NUDT13: variants seen among roughly 807,000 people sequenced by gnomAD.
NUDT13 encodes the protein nudix hydrolase 13.
Under a neutral mutation model 41.7 loss-of-function variants are expected in NUDT13, and 40 were observed. That is an observed-to-expected ratio of 0.96 (90% CI 0.75 to 1.25). NUDT13 has a LOEUF of 1.25. Ranked by LOEUF, NUDT13 falls within the 50% of genes most tolerant of loss-of-function variation. The pLI is 0.00. For synonymous variants in NUDT13, 145 were observed against 155.5 expected, an observed-to-expected ratio of 0.93 and a Z score of 0.50; for missense variants, 390 against 416.1, an observed-to-expected ratio of 0.94 and a Z score of 0.55.
At chr10:73,114,679 T>G (rs4498900) in intron 2 of NUDT13, among the ~76,000 whole-genome samples, 1 of 151,506 alleles carries the variant, frequency 6.6e-6, no homozygotes, top group African/African-American at 2.4e-5. Context: ...CAGTCTTTTG[T>G]TATAATGTGG....
At position 73,120,138 on chromosome 10, in the gene NUDT13, C is replaced by T. The variant is rs965754755; in HGVS notation, c.204C>T (p.Ala68=). The T allele has an allele frequency of 6.2e-7, 1 of 1,614,140 alleles. No homozygotes were observed. The highest frequency in any genetic ancestry group is 8.5e-7 in the Non-Finnish European group (1 of 1,180,012). The change falls in exon 3 of 9, where the codon GCC becomes GCT. Residue 68 remains alanine, a synonymous_variant. Transcript: ENST00000357321. ...AGACTTCAGCACATCAATACCTGGC[C>T]CCCCGGCACAGCCTGTTAGGTAAGT... ...LLQTSAHQYL[A]PRHSLLELER... is the part of the protein sequence containing the mutation.
chr10:73,110,496 C>G lies in NUDT13; in HGVS notation c.-81C>G, dbSNP rs1420647253. On this transcript the variant is annotated 5_prime_UTR_variant, in exon 1 of 9. Transcript: ENST00000357321. ...CCTCCAGGGAACGGAAGCCGTTGAACGTGAACATTTGGAGTTTCCTCTTTT... is the reference window on the plus strand; with the variant it reads ...CCTCCAGGGAACGGAAGCCGTTGAAGGTGAACATTTGGAGTTTCCTCTTTT... 1.3e-5 allele frequency: 2 copies of G among 152,316 alleles called. No homozygotes were observed. The highest frequency in any genetic ancestry group is 2.9e-5 in the Non-Finnish European group (2 of 68,046). 9.4% of individuals were successfully genotyped at this position (152,316 alleles called of 1,614,324 possible).
At chr10:73,124,347 G>C in intron 5 of NUDT13, 27 bp downstream of exon 5, 1 of 1,503,412 alleles carries the variant, frequency 6.7e-7, no homozygotes, top group Non-Finnish European at 9.2e-7. Flanking sequence ...CATTCTGTAG[G>C]AAATTTAGTA....
chr10:73,112,371 A>G (rs1842386917), intron 1 of NUDT13, among the ~76,000 whole-genome samples: 1 of 151,776 alleles, frequency 6.6e-6, no homozygotes, highest in Admixed American at 6.6e-5. Flanking sequence ...AATAGAAAGA[A>G]AAATATAATT....
chr10:73,114,625 ATT>A (rs1281771831), intron 2 of NUDT13, among the ~76,000 whole-genome samples, 177 bp downstream of exon 2: 1 of 150,678 alleles, frequency 6.6e-6, no homozygotes, highest in Non-Finnish European at 1.5e-5. Context: ...ATATATATAT[ATT>A]CATCCATGGT....
At chr10:73,120,563 T>TCTTTCCAGAAAAA (rs1264324003) in intron 3 of NUDT13, among the ~76,000 whole-genome samples, 1 of 152,190 alleles carries the variant, frequency 6.6e-6, no homozygotes, top group African/African-American at 2.4e-5. Flanking sequence ...ATTTAGTATC[T>TCTTTCCAGAAAAA]CTTTCCAGAA....
chr10:73,126,330 C>T lies in NUDT13; in HGVS notation c.704-343C>T, dbSNP rs575693868. The T allele has an allele frequency of 3.5e-5, 7 of 199,632 alleles. 1 individual carries two copies. In the South Asian group the frequency reaches 8.3e-4, roughly 24 times the overall value. The allele number at this position is 199,632 out of a possible 1,614,324, so 12.4% of individuals were successfully genotyped here. ...GTACACTTCTTCCTATTTCAGCATG[C>T]GTAACATTTGCTAGAATTCAGTATT... On this transcript the variant is annotated intron_variant, in intron 7 of 8. Transcript: ENST00000357321.
rs987476131 is a variant in NUDT13, at chr10:73,117,592, T to A, written c.84-2426T>A. ...AAAAAAAAGAATAAAAGTCTATCAA[T>A]AAAGAATATGATGTGAAAATGTTTA... is the stretch of plus-strand genomic sequence containing the variant. On this transcript the variant is annotated intron_variant, in intron 2 of 8. Coordinates refer to ENST00000357321, the MANE Select transcript of NUDT13 (RefSeq NM_015901.6). Among the ~76,000 whole-genome samples the A allele has an allele frequency of 3.0e-4, 45 of 150,118 alleles. 1 individual carries two copies. Among genetic ancestry groups the A allele is most frequent in the Non-Finnish European group, 6.2e-4 (42 of 67,512 alleles).
Position 73,129,948 on chromosome 10 carries a change from T to C in NUDT13, c.859-755T>C, listed in dbSNP as rs144131954. Among the ~76,000 whole-genome samples, 509 of 149,842 alleles carry C rather than the reference T, an allele frequency of 3.4e-3. 3 individuals carry two copies. Among genetic ancestry groups the C allele is most frequent in the African/African-American group, 0.011 (460 of 40,688 alleles). On this transcript the variant is annotated intron_variant, in intron 8 of 8. Transcript: ENST00000357321. ...GAGCCAAGATCACACCATTGCCCTC[T>C]AGCCTGGGTAAAAAGAGCAAAACTC... is the stretch of plus-strand genomic sequence containing the variant.
At position 73,130,832 on chromosome 10, in the gene NUDT13, A is replaced by T; in HGVS notation, c.988A>T (p.Lys330Ter). ...GACTTTCCCATTCTGGCTGCCCCCT[A>T]AGTTAGCCATCTCCCACCAACTGAT... ...NGTFPFWLPPKLAISHQLIKE... is the reference protein window; with the variant it reads ...NGTFPFWLPP Residue 330 changes from lysine (K) to a stop codon, truncating the protein, a stop_gained, in exon 9 of 9, where the codon AAG becomes TAG. Coordinates refer to ENST00000357321, the MANE Select transcript of NUDT13 (RefSeq NM_015901.6). LOFTEE classifies it high-confidence loss of function. The T allele has an allele frequency of 5.0e-6, 8 of 1,613,370 alleles. No homozygotes were observed. The highest frequency in any genetic ancestry group is 6.8e-6 in the Non-Finnish European group (8 of 1,179,784).
intron 2 of NUDT13, among the ~76,000 whole-genome samples, chr10:73,116,876 ATTTTTTTTT>A (rs56229464): frequency 9.8e-5 from 8 of 81,866 alleles, no homozygotes; most frequent in Admixed American, 5.7e-4. Context: ...GACTACAAGA[ATTTTTTTTT>A]TTTTTTTTTT....
rs1481992074 is a variant in NUDT13, at chr10:73,131,164, T to C, written c.*261T>C. ...ATCAGGGGGAAGGGGGAAGCATTAG[T>C]TTGGATGTAGGCCCTTGTTCAGTCA... is the stretch of plus-strand genomic sequence containing the variant. On this transcript the variant is annotated 3_prime_UTR_variant, in exon 9 of 9. Transcript: ENST00000357321. 1 of 374,772 alleles carries C rather than the reference T, an allele frequency of 2.7e-6. No homozygotes were observed. Among genetic ancestry groups the C allele is most frequent in the East Asian group, 5.3e-5 (1 of 18,872 alleles). The allele number at this position is 374,772 out of a possible 1,614,324, so 23.2% of individuals were successfully genotyped here. A position where few individuals can be genotyped will look rare whatever the true frequency, so the allele number is the denominator to read the frequency against.
At chr10:73,130,280 G>C (rs758176764) in intron 8 of NUDT13, 2 of 152,016 alleles carry the variant, frequency 1.3e-5, no homozygotes, top group African/African-American at 2.4e-5. Flanking sequence ...GGCTGACACG[G>C]TGAAACCCTG....
chr10:73,125,061 T>C, intron 5 of NUDT13, 57 bp from the exon 6 acceptor site: 2 of 1,549,354 alleles, frequency 1.3e-6, no homozygotes, highest in Non-Finnish European at 8.7e-7. Flanking sequence ...CCAGTGCTGT[T>C]AAAGATGAGC....
intron 5 of NUDT13, 73 bp downstream of exon 5, chr10:73,124,393 A>G: frequency 2.1e-6 from 2 of 961,480 alleles, no homozygotes; most frequent in Admixed American, 1.9e-5. Context: ...GTGTACACAC[A>G]AGGCTAGAGT....
In NUDT13 at chr10:73,130,908, G is replaced by C. The variant is rs373812660; in HGVS notation, c.*5G>C. On this transcript the variant is annotated 3_prime_UTR_variant, in exon 9 of 9. Transcript: ENST00000357321. The stretch of plus-strand genomic sequence containing the variant: ...TGTTCTTCCCTGCCTGCTTAGCCCG[G>C]ATCAAGTCACTTAGATCGCTCCTTG... The C allele has an allele frequency of 8.9e-5, 144 of 1,611,804 alleles. No homozygotes were observed. In the African/African-American group the frequency reaches 1.6e-3, roughly 18 times the overall value.
At chr10:73,115,796 C>T (rs1842493077) in intron 2 of NUDT13, among the ~76,000 whole-genome samples, 1 of 152,056 alleles carries the variant, frequency 6.6e-6, no homozygotes, top group East Asian at 1.9e-4. Flanking sequence ...CACCCCCTTC[C>T]CCCAAGAACT....
In NUDT13 at chr10:73,114,337, TC is replaced by T; in HGVS notation, c.-9-18del. ...TTCATATTATGACTTTTTTTAAAAC[TC>T]CTTTTTTTTTTTTTTAAGGACCTGA... On this transcript the variant is annotated intron_variant, in intron 1 of 8. Coordinates refer to ENST00000357321, the MANE Select transcript of NUDT13 (RefSeq NM_015901.6). 7 of 1,246,914 alleles carry T rather than the reference TC, an allele frequency of 5.6e-6. No individual in the cohort carries two copies. The highest frequency in any genetic ancestry group is 1.5e-5 in the South Asian group (1 of 67,526). The allele number at this position is 1,246,914 out of a possible 1,614,324, so 77.2% of individuals were successfully genotyped here. A position where few individuals can be genotyped will look rare whatever the true frequency, so the allele number is the denominator to read the frequency against.
intron 8 of NUDT13, among the ~76,000 whole-genome samples, chr10:73,127,734 CTT>C (rs75940953): frequency 4.9e-5 from 7 of 142,136 alleles, no homozygotes; most frequent in African/African-American, 5.1e-5. Context: ...TCCCACCCCA[CTT>C]TTTTTTTTTT....
Sources: allele counts gnomAD v4.1 joint callset (sites outside exome capture counted in the v4.1 genomes callset), GRCh38; gene constraint gnomAD v4.1.1; transcripts MANE v1.5; gene names NCBI Gene and HGNC (gene_info 2026-07-23, HGNC 2026-07-21).